ADAMTS12: variants seen among roughly 807,000 people sequenced by gnomAD.
The protein encoded by ADAMTS12 is ADAM metallopeptidase with thrombospondin type 1 motif 12, also known as A disintegrin and metalloproteinase with thrombospondin motifs 12.
ADAMTS12 carries 118 observed loss-of-function variants against 167.8 expected under a neutral mutation model. The observed-to-expected ratio is 0.70, with a 90% confidence interval of 0.61 to 0.82. ADAMTS12 has a LOEUF of 0.82. ADAMTS12 is among the 40% of genes least tolerant of loss of function. The pLI, the probability that ADAMTS12 is intolerant of heterozygous loss-of-function variation, is 0.00. For synonymous variants in ADAMTS12, 704 were observed against 716.9 expected (o/e 0.98, Z 0.29); for missense variants, 1,916 against 1,998.8 (o/e 0.96, Z 0.79).
chr5:33,719,523 A>C (rs1743734913), intron 3 of ADAMTS12, among the ~76,000 whole-genome samples: 1 of 152,244 alleles, frequency 6.6e-6, no homozygotes, highest in South Asian at 2.1e-4. Context: ...GATTAATCAG[A>C]TCTTCTGACC....
At chr5:33,884,367 C>T (rs754252274) in intron 1 of ADAMTS12, among the ~76,000 whole-genome samples, 2 of 152,202 alleles carry the variant, frequency 1.3e-5, no homozygotes, top group Admixed American at 6.5e-5. Flanking sequence ...GCTGACATCC[C>T]CTTCACTCCC....
chr5:33,618,151 A>G (rs986259050), intron 14 of ADAMTS12, among the ~76,000 whole-genome samples: 1 of 152,256 alleles, frequency 6.6e-6, no homozygotes, highest in African/African-American at 2.4e-5. Context: ...TGATAAAGTA[A>G]GCTAGAGAAA....
At chr5:33,755,809 A>T (rs1349590185) in intron 2 of ADAMTS12, among the ~76,000 whole-genome samples, 1 of 152,340 alleles carries the variant, frequency 6.6e-6, no homozygotes, top group South Asian at 2.1e-4. Flanking sequence ...AAAATCGCAG[A>T]TGTTACCAGA....
intron 5 of ADAMTS12, among the ~76,000 whole-genome samples, chr5:33,674,468 T>C (rs1561207866): frequency 6.6e-6 from 1 of 152,186 alleles, no homozygotes; most frequent in Non-Finnish European, 1.5e-5. Context: ...CCTTAGAAGA[T>C]AGTCTTTTTC....
intron 3 of ADAMTS12, among the ~76,000 whole-genome samples, chr5:33,691,219 A>G (rs930722933): frequency 6.6e-6 from 1 of 152,210 alleles, no homozygotes; most frequent in African/African-American, 2.4e-5. Flanking sequence ...GACTACCTAT[A>G]TTGTGACTCT....
At chr5:33,695,041 C>A (rs550855917) in intron 3 of ADAMTS12, among the ~76,000 whole-genome samples, 1 of 152,158 alleles carries the variant, frequency 6.6e-6, no homozygotes, top group Admixed American at 6.5e-5. Context: ...AAGTCAGACT[C>A]ACATAATATA....
At chr5:33,750,984 G>A (rs1744950276) in intron 3 of ADAMTS12, among the ~76,000 whole-genome samples, 1 of 152,160 alleles carries the variant, frequency 6.6e-6, no homozygotes, top group South Asian at 2.1e-4. Context: ...ATATGCAGAT[G>A]TGATGAGCTG....
At chr5:33,538,699 C>A (rs1463210389) in intron 22 of ADAMTS12, among the ~76,000 whole-genome samples, 2 of 152,144 alleles carry the variant, frequency 1.3e-5, no homozygotes, top group African/African-American at 4.8e-5. Flanking sequence ...CCTGTGAGAG[C>A]CAGCAGTCAG....
chr5:33,868,732 G>A (rs780470458), intron 2 of ADAMTS12, among the ~76,000 whole-genome samples: 3 of 152,142 alleles, frequency 2.0e-5, no homozygotes, highest in Non-Finnish European at 2.9e-5. Context: ...GTCACATGTG[G>A]CCCAACACAA....
intron 2 of ADAMTS12, among the ~76,000 whole-genome samples, chr5:33,790,782 CATATATAT>C (rs10622464): frequency 0.038 from 5,149 of 134,012 alleles, 322 homozygotes; most frequent in African/African-American, 0.14. Context: ...GACATACAAA[CATATATAT>C]ATATATATAT....
chr5:33,883,789 G>A lies in ADAMTS12; in HGVS notation c.128-2309C>T, dbSNP rs560284038. 1.6e-4 allele frequency among the ~76,000 whole-genome samples: 24 copies of A among 152,244 alleles called. No individual in the cohort carries two copies. The South Asian group carries it at 5.0e-3, about 32-fold the overall frequency. On this transcript the variant is annotated intron_variant, in intron 1 of 23. Transcript: ENST00000504830. Reference sequence around the variant, plus strand: ...GCTTTTTCGCAAATTCATGATACTAGTGTGCCATGAACTGAGGTGTATAAC... The same window carrying A: ...GCTTTTTCGCAAATTCATGATACTAATGTGCCATGAACTGAGGTGTATAAC...
intron 12 of ADAMTS12, among the ~76,000 whole-genome samples, chr5:33,631,373 C>T (rs966929968): frequency 7.2e-5 from 11 of 152,126 alleles, no homozygotes; most frequent in African/African-American, 2.7e-4. Flanking sequence ...ACAGAGCCAG[C>T]TCATTACTAC....
chr5:33,544,581 T>C (rs542077240), intron 22 of ADAMTS12, among the ~76,000 whole-genome samples: 1 of 152,294 alleles, frequency 6.6e-6, no homozygotes, highest in South Asian at 2.1e-4. Context: ...AGAACAAAGC[T>C]GGAGGCATCA....
intron 3 of ADAMTS12, among the ~76,000 whole-genome samples, chr5:33,691,334 G>GA (rs1426382056): frequency 2.6e-5 from 4 of 152,114 alleles, no homozygotes; most frequent in African/African-American, 7.2e-5. Flanking sequence ...AACATCACTT[G>GA]AAAAAATACA....
intron 16 of ADAMTS12, among the ~76,000 whole-genome samples, chr5:33,596,830 A>C (rs1691105197): frequency 6.6e-6 from 1 of 152,218 alleles, no homozygotes; most frequent in Non-Finnish European, 1.5e-5. Flanking sequence ...CTGAAATACA[A>C]TTTAAAATAA....
intron 23 of ADAMTS12, 121 bp from the exon 24 acceptor site, chr5:33,527,487 A>C (rs1743879687): frequency 1.1e-6 from 1 of 936,572 alleles, no homozygotes; most frequent in South Asian, 1.7e-5. Context: ...ATAACAATTC[A>C]TAATAGGTGG....
At chr5:33,649,035 C>A in intron 8 of ADAMTS12, 69 bp from the exon 9 acceptor site, 1 of 1,566,932 alleles carries the variant, frequency 6.4e-7, no homozygotes, top group South Asian at 1.2e-5. Flanking sequence ...TTTCATTCAA[C>A]AGAAACTTCC....
chr5:33,539,096 C>A (rs926163849), intron 22 of ADAMTS12, among the ~76,000 whole-genome samples: 1 of 152,076 alleles, frequency 6.6e-6, no homozygotes, highest in Non-Finnish European at 1.5e-5. Flanking sequence ...CATGTACCAC[C>A]ATGCCTGACT....
intron 6 of ADAMTS12, among the ~76,000 whole-genome samples, chr5:33,659,453 A>G (rs987491664): frequency 2.0e-5 from 3 of 152,216 alleles, no homozygotes; most frequent in Middle Eastern, 3.2e-3. Context: ...TCATTCAAAA[A>G]GTCCAGGTCT....
Sources: allele counts gnomAD v4.1 joint callset (sites outside exome capture counted in the v4.1 genomes callset), GRCh38; gene constraint gnomAD v4.1.1; transcripts MANE v1.5; gene names NCBI Gene and HGNC (gene_info 2026-07-23, HGNC 2026-07-21).